UBE2V2: variants seen among roughly 807,000 people sequenced by gnomAD.
UBE2V2 encodes ubiquitin conjugating enzyme E2 V2.
A neutral mutation model predicts 17.2 loss-of-function variants in UBE2V2; 9 were observed. The ratio of observed to expected loss-of-function variants is 0.52; its 90% CI spans 0.32 to 0.91. The LOEUF is 0.91. Among genes scored for constraint, UBE2V2 ranks in the 40% least tolerant of loss-of-function variants. The pLI, the probability that UBE2V2 is intolerant of heterozygous loss-of-function variation, is 0.04. For missense variants in UBE2V2, 133 were observed against 182.6 expected (o/e 0.73, Z 1.56); for synonymous variants, 61 against 57.5 (o/e 1.06, Z -0.28).
At chr8:48,032,823 A>T (rs966112857) in intron 1 of UBE2V2, among the ~76,000 whole-genome samples, 1 of 152,178 alleles carries the variant, frequency 6.6e-6, no homozygotes, top group Non-Finnish European at 1.5e-5. Context: ...ATTAATGTCA[A>T]CAAATAGTGT....
intron 1 of UBE2V2, among the ~76,000 whole-genome samples, chr8:48,033,817 C>T (rs2091401300): frequency 6.6e-6 from 1 of 152,006 alleles, no homozygotes; most frequent in Admixed American, 6.6e-5. Flanking sequence ...AATTACCTTG[C>T]ATGTTGGCAT....
At chr8:48,048,746 G>T (rs144584904) in intron 2 of UBE2V2, among the ~76,000 whole-genome samples, 2 of 152,108 alleles carry the variant, frequency 1.3e-5, no homozygotes, top group Non-Finnish European at 2.9e-5. Context: ...GATAGCTCTT[G>T]TTTATGGGGA....
intron 1 of UBE2V2, among the ~76,000 whole-genome samples, chr8:48,024,772 C>T (rs1349694282): frequency 6.6e-6 from 1 of 151,976 alleles, no homozygotes; most frequent in Admixed American, 6.6e-5. Context: ...TATTAAAACT[C>T]CATGTTCTTT....
At chr8:48,016,214 A>G (rs1295315248) in intron 1 of UBE2V2, among the ~76,000 whole-genome samples, 1 of 151,928 alleles carries the variant, frequency 6.6e-6, no homozygotes, top group East Asian at 1.9e-4. Context: ...TTGTTGGTTG[A>G]TGGATACTTA....
chr8:48,023,944 C>T lies in UBE2V2; in HGVS notation c.16+15474C>T, dbSNP rs576506664. Among the ~76,000 whole-genome samples, 5 of 152,168 alleles carry T rather than the reference C, an allele frequency of 3.3e-5. No homozygotes were observed. In the South Asian group the frequency reaches 8.3e-4, roughly 25 times the overall value. On this transcript the variant is annotated intron_variant, in intron 1 of 3. Transcript: ENST00000523111. ...AACGTAGTTCACTTTTTCAAAGGCT[C>T]TTTTTCAAAGAGCTGATTAAAATAA...
At chr8:48,049,671 C>G in intron 2 of UBE2V2, 182 bp from the exon 3 acceptor site, 1 of 426,014 alleles carries the variant, frequency 2.3e-6, no homozygotes, top group South Asian at 5.9e-5. Flanking sequence ...TTTAAGTATG[C>G]TTATTGCATT....
rs372150030 is a variant in UBE2V2, at chr8:48,015,939, C to T, written c.16+7469C>T. ...TTGAGACGGAGTCTCACTCTGTCAC[C>T]CAGGCTGGAGTGCAGTGGCGCGTTC... is the stretch of plus-strand genomic sequence containing the variant. On this transcript the variant is annotated intron_variant, in intron 1 of 3. Transcript: ENST00000523111. Among the ~76,000 whole-genome samples, 56 of 149,986 alleles carry T rather than the reference C, an allele frequency of 3.7e-4. 1 individual carries two copies. Among genetic ancestry groups the T allele is most frequent in the African/African-American group, 1.3e-3 (54 of 40,696 alleles).
upstream of UBE2V2, among the ~76,000 whole-genome samples, chr8:48,003,870 T>C (rs1392790334): frequency 6.6e-6 from 1 of 152,054 alleles, no homozygotes. Context: ...ACCAGGGCAG[T>C]GGCAATAGTG....
upstream of UBE2V2, among the ~76,000 whole-genome samples, chr8:48,008,066 C>G (rs951529790): frequency 2.6e-5 from 4 of 152,038 alleles, no homozygotes; most frequent in African/African-American, 9.7e-5. Flanking sequence ...GGATTACAGG[C>G]GCGCGCCACC....
In UBE2V2 at chr8:48,063,313, C is replaced by CT. The variant is rs1389159384; in HGVS notation, c.*2486dup. 109 of 152,326 alleles carry CT rather than the reference C, an allele frequency of 7.2e-4. No individual in the cohort carries two copies. Among genetic ancestry groups the CT allele is most frequent in the African/African-American group, 2.6e-3 (108 of 41,564 alleles). The allele number at this position is 152,326 out of a possible 1,614,324, so 9.4% of individuals were successfully genotyped here. On this transcript the variant is annotated 3_prime_UTR_variant, in exon 4 of 4. Coordinates refer to ENST00000523111, the MANE Select transcript of UBE2V2 (RefSeq NM_003350.3). The stretch of plus-strand genomic sequence containing the variant: ...TCACAATCAAGATGTACTTGGCAAT[C>CT]TAAGACACACTGGGAGACTGTAAGA...
At chr8:48,035,838 C>T (rs2091420858) in intron 1 of UBE2V2, among the ~76,000 whole-genome samples, 1 of 150,372 alleles carries the variant, frequency 6.7e-6, no homozygotes, top group African/African-American at 2.4e-5. Context: ...TTGCAGTGAG[C>T]TGAGATCATG....
intron 1 of UBE2V2, among the ~76,000 whole-genome samples, chr8:48,036,559 G>C (rs1479092291): frequency 6.6e-6 from 1 of 151,770 alleles, no homozygotes; most frequent in Non-Finnish European, 1.5e-5. Context: ...TCAGCCTCCT[G>C]AGTAGCTGGG....
rs558553731 is a variant in UBE2V2 at position 48,052,228 on chromosome 8, G to T, written c.291+2250G>T. Among the ~76,000 whole-genome samples, 307 of 152,294 alleles carry T rather than the reference G, an allele frequency of 2.0e-3. 1 individual carries two copies. The highest frequency in any genetic ancestry group is 3.3e-3 in the Non-Finnish European group (226 of 68,022). Reference sequence around the variant, plus strand: ...GTACACAGAAAAGATATTATTTAGGGAATGTCCTGTGTGACACACAGCATT... The same window carrying T: ...GTACACAGAAAAGATATTATTTAGGTAATGTCCTGTGTGACACACAGCATT... On this transcript the variant is annotated intron_variant, in intron 3 of 3. Transcript: ENST00000523111.
chr8:47,998,175 G>A, the UBE2V2 span, among the ~76,000 whole-genome samples: 1 of 151,964 alleles, frequency 6.6e-6, no homozygotes, highest in African/African-American at 2.4e-5. Flanking sequence ...GAGGTCACGC[G>A]GTATTACAGT....
chr8:48,019,217 T>C (rs1280042014), intron 1 of UBE2V2, among the ~76,000 whole-genome samples: 2 of 151,844 alleles, frequency 1.3e-5, no homozygotes, highest in Non-Finnish European at 2.9e-5. Context: ...ATACAAAAAT[T>C]AGCCAGGTGT....
In UBE2V2 at chr8:48,045,317, G is replaced by A. The variant is rs1180408186; in HGVS notation, c.165+2136G>A. On this transcript the variant is annotated intron_variant, in intron 2 of 3. Transcript: ENST00000523111. ...GAAGACCCAAAGAAACAGGGAAACC[G>A]TGTATTTTTATGCTAAATTTGATGA... Among the ~76,000 whole-genome samples, 3 of 152,178 alleles carry A rather than the reference G, an allele frequency of 2.0e-5. No individual in the cohort carries two copies. In the East Asian group the frequency reaches 5.8e-4, roughly 29 times the overall value.
At chr8:48,056,252 C>T (rs1186920981) in intron 3 of UBE2V2, among the ~76,000 whole-genome samples, 1 of 152,116 alleles carries the variant, frequency 6.6e-6, no homozygotes, top group African/African-American at 2.4e-5. Context: ...ATCCATTTAT[C>T]ACCTAGTAGA....
rs1323595057 is a variant in UBE2V2 at position 48,063,088 on chromosome 8, CCTCAGT to C, written c.*2264_*2269del. On this transcript the variant is annotated 3_prime_UTR_variant, in exon 4 of 4. Coordinates refer to ENST00000523111, the MANE Select transcript of UBE2V2 (RefSeq NM_003350.3). ...TGTTGGCAGGATGAGGGTCTGGGTA[CCTCAGT>C]CTCTTGTCCTGTTTCCTTCCCCCAA... is the stretch of plus-strand genomic sequence containing the variant. 4.6e-5 allele frequency: 7 copies of C among 152,322 alleles called. No individual in the cohort carries two copies. The highest frequency in any genetic ancestry group is 1.4e-4 in the African/African-American group (6 of 41,582). 9.4% of individuals were successfully genotyped at this position (152,322 alleles called of 1,614,324 possible). A position where few individuals can be genotyped will look rare whatever the true frequency, so the allele number is the denominator to read the frequency against.
intron 3 of UBE2V2, among the ~76,000 whole-genome samples, chr8:48,053,268 T>C (rs1396947011): frequency 6.6e-6 from 1 of 152,228 alleles, no homozygotes; most frequent in Non-Finnish European, 1.5e-5. Flanking sequence ...TCTTATTCTT[T>C]TGTTGCACTT....
Sources: allele counts gnomAD v4.1 joint callset (sites outside exome capture counted in the v4.1 genomes callset), GRCh38; gene constraint gnomAD v4.1.1; transcripts MANE v1.5; gene names NCBI Gene and HGNC (gene_info 2026-07-23, HGNC 2026-07-21).